CDKAL1: variants seen among roughly 807,000 people sequenced by gnomAD.
CDKAL1 encodes threonylcarbamoyladenosine tRNA methylthiotransferase.
Under a neutral mutation model 68.2 loss-of-function variants are expected in CDKAL1, and 32 were observed. The ratio of observed to expected loss-of-function variants is 0.47; its 90% CI spans 0.35 to 0.63. The LOEUF (loss-of-function observed/expected upper bound fraction) is 0.63. Ranked by LOEUF, CDKAL1 falls within the 30% of genes least tolerant of loss-of-function variation. The pLI is 0.00. For missense variants in CDKAL1, 606 were observed against 696.7 expected, an observed-to-expected ratio of 0.87 and a Z score of 1.47; for synonymous variants, 234 against 244.3, an observed-to-expected ratio of 0.96 and a Z score of 0.39.
intron 4 of CDKAL1, among the ~76,000 whole-genome samples, chr6:20,586,246 C>T (rs564235992): frequency 2.6e-5 from 4 of 152,338 alleles, no homozygotes; most frequent in Non-Finnish European, 5.9e-5. Flanking sequence ...CATCTGTTTT[C>T]CACACAGTGA....
At chr6:20,799,184 C>T (rs1776262113) in intron 8 of CDKAL1, among the ~76,000 whole-genome samples, 1 of 150,648 alleles carries the variant, frequency 6.6e-6, no homozygotes, top group Admixed American at 6.6e-5. Context: ...TCCCAAGTAG[C>T]TGGGATTACA....
At chr6:21,064,922 A>C in intron 11 of CDKAL1, 126 bp from the exon 12 acceptor site, 1 of 577,176 alleles carries the variant, frequency 1.7e-6, no homozygotes. Flanking sequence ...CTTTGAAACT[A>C]TTTGCACGTG....
At chr6:20,600,546 C>T (rs1766036680) in intron 4 of CDKAL1, among the ~76,000 whole-genome samples, 1 of 151,698 alleles carries the variant, frequency 6.6e-6, no homozygotes, top group Admixed American at 6.6e-5. Flanking sequence ...GGATAAATAC[C>T]ACTTTTGAGG....
At chr6:21,143,461 A>C (rs77696568) in intron 13 of CDKAL1, among the ~76,000 whole-genome samples, 2,489 of 152,292 alleles carry the variant, frequency 0.016, 48 homozygotes, top group South Asian at 0.064. Context: ...TTGAAGAAAA[A>C]TGAGGGTGAC....
intron 8 of CDKAL1, among the ~76,000 whole-genome samples, chr6:20,820,732 TTCTTTC>T (rs2150441025): frequency 6.6e-6 from 1 of 152,236 alleles, no homozygotes; most frequent in Admixed American, 6.5e-5. Context: ...TAGTAGTACT[TTCTTTC>T]ATATATTCAA....
chr6:20,822,169 G>A (rs574771996), intron 8 of CDKAL1, among the ~76,000 whole-genome samples: 1 of 152,224 alleles, frequency 6.6e-6, no homozygotes, highest in African/African-American at 2.4e-5. Context: ...CTGATATAGA[G>A]AGCATTATAC....
At chr6:20,820,583 A>G (rs2150440704) in intron 8 of CDKAL1, among the ~76,000 whole-genome samples, 1 of 152,260 alleles carries the variant, frequency 6.6e-6, no homozygotes, top group East Asian at 1.9e-4. Flanking sequence ...CTCTATTTCC[A>G]GTTCCATGAG....
intron 5 of CDKAL1, among the ~76,000 whole-genome samples, chr6:20,664,096 A>G (rs913482717): frequency 3.0e-4 from 46 of 152,120 alleles, no homozygotes; most frequent in African/African-American, 1.1e-3. Flanking sequence ...TATTAACGCT[A>G]TCAAATTCTC....
intron 13 of CDKAL1, among the ~76,000 whole-genome samples, chr6:21,189,217 T>C (rs140119147): frequency 6.6e-6 from 1 of 152,332 alleles, no homozygotes; most frequent in African/African-American, 2.4e-5. Flanking sequence ...GGGCCTGGTC[T>C]TTGTATCTTG....
At chr6:20,564,762 T>C (rs1764392644) in intron 4 of CDKAL1, among the ~76,000 whole-genome samples, 1 of 152,216 alleles carries the variant, frequency 6.6e-6, no homozygotes, top group African/African-American at 2.4e-5. Context: ...CAGCCACAAA[T>C]AAATTATTTA....
chr6:20,948,070 T>G (rs6930879), intron 9 of CDKAL1, among the ~76,000 whole-genome samples: 1 of 150,514 alleles, frequency 6.6e-6, no homozygotes, highest in Non-Finnish European at 1.5e-5. Flanking sequence ...CTGGCTCTAG[T>G]GCAGTGGTGC....
intron 9 of CDKAL1, among the ~76,000 whole-genome samples, chr6:20,950,927 G>A (rs1764493186): frequency 6.6e-6 from 1 of 151,026 alleles, no homozygotes; most frequent in Non-Finnish European, 1.5e-5. Flanking sequence ...CCGAGATCGT[G>A]CCATTGCACT....
chr6:20,927,340 GA>G (rs1763232058), intron 9 of CDKAL1, among the ~76,000 whole-genome samples: 1 of 152,130 alleles, frequency 6.6e-6, no homozygotes, highest in Non-Finnish European at 1.5e-5. Flanking sequence ...AAGGAGGCAA[GA>G]ATTCCACCAA....
intron 4 of CDKAL1, among the ~76,000 whole-genome samples, chr6:20,643,098 A>G (rs982044009): frequency 2.0e-5 from 3 of 152,160 alleles, no homozygotes; most frequent in Non-Finnish European, 4.4e-5. Flanking sequence ...GGTTACGAGC[A>G]CTCTAAGGGG....
intron 7 of CDKAL1, among the ~76,000 whole-genome samples, chr6:20,778,192 A>G (rs1775257510): frequency 6.6e-6 from 1 of 152,232 alleles, no homozygotes. Context: ...AAGAAAACAC[A>G]GGAGAAATCT....
chr6:20,727,689 G>A (rs1772718360), intron 5 of CDKAL1, among the ~76,000 whole-genome samples: 2 of 152,136 alleles, frequency 1.3e-5, no homozygotes, highest in South Asian at 4.1e-4. Context: ...GATGGGGAAG[G>A]ACAGGGAGAT....
chr6:21,007,380 A>G (rs1767782900), intron 11 of CDKAL1, among the ~76,000 whole-genome samples: 1 of 150,506 alleles, frequency 6.6e-6, no homozygotes, highest in African/African-American at 2.4e-5. Context: ...AAGTAGTCGC[A>G]GCTACTTGGG....
At chr6:20,937,568 C>T (rs529705718) in intron 9 of CDKAL1, among the ~76,000 whole-genome samples, 1 of 152,336 alleles carries the variant, frequency 6.6e-6, no homozygotes, top group South Asian at 2.1e-4. Flanking sequence ...ACCAAGTCTC[C>T]TCAGTCTCTT....
intron 12 of CDKAL1, among the ~76,000 whole-genome samples, chr6:21,074,463 CT>C (rs1771958167): frequency 6.6e-6 from 1 of 152,288 alleles, no homozygotes; most frequent in African/African-American, 2.4e-5. Context: ...TTCAGTATGA[CT>C]TTTTGTGGGG....
Sources: gnomAD v4.1 joint callset for allele counts (sites outside exome capture counted in the v4.1 genomes callset) on GRCh38, gnomAD v4.1.1 for gene constraint, MANE v1.5 for transcripts, NCBI Gene and HGNC (gene_info 2026-07-23, HGNC 2026-07-21) for gene names.